The following NLGN4X variants were observed in gnomAD, a reference collection of about 807,000 sequenced individuals.
NLGN4X encodes neuroligin-4, X-linked.
A neutral mutation model predicts 40.3 loss-of-function variants in NLGN4X; 3 were observed. The ratio of observed to expected loss-of-function variants is 0.07; its 90% CI spans 0.03 to 0.19. The LOEUF (loss-of-function observed/expected upper bound fraction) is 0.19. Among genes scored for constraint, NLGN4X ranks in the 10% least tolerant of loss-of-function variants. The probability of loss-of-function intolerance (pLI) is 1.00; values close to 1 mark genes in which losing one functional copy is unlikely to be tolerated. For missense variants in NLGN4X, 382 were observed against 708.3 expected (o/e 0.54, Z 5.23); for synonymous variants, 270 against 306.8 (o/e 0.88, Z 1.25).
chrX:5,973,324 C>A (rs924236455), intron 3 of NLGN4X, among the ~76,000 whole-genome samples: 1 of 112,441 alleles, frequency 8.9e-6, no homozygotes, highest in African/African-American at 3.2e-5. Flanking sequence ...GTAGTCAGGA[C>A]AGAAACCATG....
At chrX:5,904,786 G>A (rs896057756) in intron 4 of NLGN4X, among the ~76,000 whole-genome samples, 25 of 111,962 alleles carry the variant, frequency 2.2e-4, no homozygotes, top group African/African-American at 6.8e-4. Flanking sequence ...ATCCCAGCCC[G>A]AGTCGGGCAC....
chrX:6,070,000 G>C (rs1423140723), intron 2 of NLGN4X, among the ~76,000 whole-genome samples: 1 of 111,682 alleles, frequency 9.0e-6, no homozygotes. Flanking sequence ...GCTGGGTCAA[G>C]CTCATTGGAG....
At chrX:5,945,414 A>G (rs2034089321) in intron 3 of NLGN4X, among the ~76,000 whole-genome samples, 1 of 112,348 alleles carries the variant, frequency 8.9e-6, no homozygotes, top group Non-Finnish European at 1.9e-5. Context: ...GTGACATATG[A>G]TTCATTTTGT....
intron 2 of NLGN4X, among the ~76,000 whole-genome samples, chrX:6,079,211 C>T (rs933662851): frequency 4.5e-5 from 5 of 111,595 alleles, no homozygotes; most frequent in African/African-American, 1.6e-4. Context: ...TCTTATACCA[C>T]GGAAGGTGGC....
rs1556015447 is a variant in NLGN4X at position 6,225,002 on chromosome X, A to ATAT, written c.-306+3536_-306+3538dup. Among the ~76,000 whole-genome samples, 72 of 55,787 alleles carry ATAT rather than the reference A, an allele frequency of 1.3e-3. 1 individual carries two copies. The highest frequency in any genetic ancestry group is 4.8e-3 in the African/African-American group (70 of 14,530). The allele number at this position is 55,787 out of a possible 115,157, so 48.4% of individuals were successfully genotyped here. ...CATATATATATATATATATATATAT[A>ATAT]TATATATATACACACACACACACAT... On this transcript the variant is annotated intron_variant, in intron 1 of 5. Transcript: ENST00000381095.
chrX:6,214,456 C>A (rs1320240580), intron 1 of NLGN4X, among the ~76,000 whole-genome samples: 3 of 111,836 alleles, frequency 2.7e-5, no homozygotes, highest in Non-Finnish European at 3.8e-5. Context: ...CACAGGCTCA[C>A]CCGCAAAAGA....
intron 2 of NLGN4X, among the ~76,000 whole-genome samples, chrX:6,130,471 TAAA>T (rs913779196): frequency 8.9e-6 from 1 of 112,533 alleles, no homozygotes; most frequent in African/African-American, 3.2e-5. Context: ...TTTTTCCTAC[TAAA>T]ACTCTGTTGC....
chrX:5,908,973 A>T, intron 4 of NLGN4X, 81 bp downstream of exon 4: 1 of 1,065,126 alleles, frequency 9.4e-7, no homozygotes, highest in Non-Finnish European at 1.3e-6. Context: ...TAACCAGGAC[A>T]TGCATCTGAG....
intron 1 of NLGN4X, among the ~76,000 whole-genome samples, chrX:6,206,764 C>T (rs778629268): frequency 1.2e-4 from 13 of 111,562 alleles, no homozygotes; most frequent in African/African-American, 3.9e-4. Context: ...ACCAGTTGTA[C>T]GGAATAAGGG....
chrX:6,039,679 G>T (rs1304780940), intron 2 of NLGN4X, among the ~76,000 whole-genome samples: 1 of 112,091 alleles, frequency 8.9e-6, no homozygotes, highest in East Asian at 2.8e-4. Flanking sequence ...ACTTTGATGA[G>T]TATAAAATAT....
intron 3 of NLGN4X, among the ~76,000 whole-genome samples, chrX:5,923,025 A>C (rs1395360662): frequency 8.9e-6 from 1 of 112,301 alleles, no homozygotes; most frequent in Non-Finnish European, 1.9e-5. Flanking sequence ...TACATTCACA[A>C]TGTGGTATAA....
chrX:6,099,544 C>T (rs2038860139), intron 2 of NLGN4X, among the ~76,000 whole-genome samples: 1 of 112,124 alleles, frequency 8.9e-6, no homozygotes, highest in Admixed American at 9.5e-5. Context: ...AGGCATCAAC[C>T]TTTTAAAGTT....
chrX:6,005,027 T>C (rs1006082870), intron 3 of NLGN4X, among the ~76,000 whole-genome samples: 11 of 112,224 alleles, frequency 9.8e-5, no homozygotes, highest in African/African-American at 2.9e-4. Context: ...AAAACAACAC[T>C]TGGTTAGATG....
In NLGN4X at chrX:5,891,994, C is replaced by T. The variant is rs1452787414; in HGVS notation, c.*823G>A. 7.0e-6 allele frequency: 1 copy of T among 141,993 alleles called. No homozygotes were observed. Among genetic ancestry groups the T allele is most frequent in the Non-Finnish European group, 1.3e-5 (1 of 74,960 alleles). The allele number at this position is 141,993 out of a possible 1,213,427, so 11.7% of individuals were successfully genotyped here. Reference sequence around the variant, plus strand: ...ACCACAAGTAATTAAGAAGAAAAGCCTCTTTTGTTGGGGAGGAAACAGAGG... The same window carrying T: ...ACCACAAGTAATTAAGAAGAAAAGCTTCTTTTGTTGGGGAGGAAACAGAGG... On this transcript the variant is annotated 3_prime_UTR_variant, in exon 6 of 6. Coordinates refer to ENST00000381095, the MANE Select transcript of NLGN4X (RefSeq NM_181332.3).
intron 3 of NLGN4X, among the ~76,000 whole-genome samples, chrX:5,946,807 T>C (rs2034138618): frequency 9.0e-6 from 1 of 111,183 alleles, no homozygotes; most frequent in Admixed American, 9.6e-5. Context: ...TCAATAGTTA[T>C]TTTTCCTGAT....
intron 3 of NLGN4X, among the ~76,000 whole-genome samples, chrX:5,949,738 C>T (rs76040315): frequency 8.9e-6 from 1 of 112,011 alleles, no homozygotes; most frequent in African/African-American, 3.2e-5. Context: ...CAATTGTTCA[C>T]ACATTAATTC....
intron 2 of NLGN4X, among the ~76,000 whole-genome samples, chrX:6,142,792 T>C (rs2039974997): frequency 8.9e-6 from 1 of 112,483 alleles, no homozygotes; most frequent in Non-Finnish European, 1.9e-5. Flanking sequence ...TTAATTTCTC[T>C]AATTCACATA....
chrX:6,036,621 C>CACACAT (rs1209360620), intron 2 of NLGN4X, among the ~76,000 whole-genome samples: 1 of 108,283 alleles, frequency 9.2e-6, no homozygotes. Context: ...CACACACACA[C>CACACAT]ACACACACAC....
In NLGN4X at chrX:5,892,723, T is replaced by C. The variant is rs2031244175; in HGVS notation, c.*94A>G. ...ACAAAAACATTCCTGGTCTGGAGAC[T>C]TTCTTTCTCTCTCTCTTTCCTTCTC... On this transcript the variant is annotated 3_prime_UTR_variant, in exon 6 of 6. Transcript: ENST00000381095. 1 of 1,144,374 alleles carries C rather than the reference T, an allele frequency of 8.7e-7. No individual in the cohort carries two copies. The highest frequency in any genetic ancestry group is 3.1e-5 in the East Asian group (1 of 32,486). The allele number at this position is 1,144,374 out of a possible 1,213,427, so 94.3% of individuals were successfully genotyped here.
Sources: allele counts gnomAD v4.1 joint callset (sites outside exome capture counted in the v4.1 genomes callset), GRCh38; gene constraint gnomAD v4.1.1; transcripts MANE v1.5; gene names NCBI Gene and HGNC (gene_info 2026-07-23, HGNC 2026-07-21).